Variants in KIF11 observed in about 807,000 individuals in gnomAD.
The protein encoded by KIF11 is kinesin-like protein KIF11.
KIF11 carries 9 observed loss-of-function variants against 121.0 expected under a neutral mutation model. The ratio of observed to expected loss-of-function variants is 0.07; its 90% CI spans 0.04 to 0.13. The LOEUF (loss-of-function observed/expected upper bound fraction) is 0.13. Ranked by LOEUF, KIF11 falls within the 10% of genes least tolerant of loss-of-function variation. The probability of loss-of-function intolerance (pLI) is 1.00; values close to 1 mark genes in which losing one functional copy is unlikely to be tolerated. For missense variants in KIF11, 846 were observed against 1,217.5 expected (o/e 0.69, Z 4.54); for synonymous variants, 408 against 421.0 (o/e 0.97, Z 0.38).
At chr10:92,602,825 CGT>C (rs3980475) in intron 1 of KIF11, among the ~76,000 whole-genome samples, 2,998 of 122,282 alleles carry the variant, frequency 0.025, 35 homozygotes, top group East Asian at 0.041. Context: ...CACACACACA[CGT>C]GTGTGTGTGT....
intron 8 of KIF11, among the ~76,000 whole-genome samples, chr10:92,614,838 C>G (rs937096763): frequency 6.6e-6 from 1 of 152,160 alleles, no homozygotes; most frequent in African/African-American, 2.4e-5. Flanking sequence ...GGCCGCAGTA[C>G]AGTAGCATGA....
At chr10:92,602,987 T>C (rs940791760) in intron 1 of KIF11, among the ~76,000 whole-genome samples, 1 of 151,812 alleles carries the variant, frequency 6.6e-6, no homozygotes, top group African/African-American at 2.4e-5. Context: ...CCAGAGTAGC[T>C]GGGATTACAG....
At chr10:92,605,874 A>G (rs948370679) in intron 1 of KIF11, among the ~76,000 whole-genome samples, 2 of 152,112 alleles carry the variant, frequency 1.3e-5, no homozygotes, top group African/African-American at 2.4e-5. Flanking sequence ...GGCTGGGCAC[A>G]GTGTCTCACT....
intron 17 of KIF11, among the ~76,000 whole-genome samples, chr10:92,641,043 C>A (rs1212568339): frequency 2.0e-5 from 3 of 152,198 alleles, no homozygotes; most frequent in Non-Finnish European, 4.4e-5. Flanking sequence ...TCACTGCTCC[C>A]AGCCTGTATT....
intron 12 of KIF11, among the ~76,000 whole-genome samples, chr10:92,631,463 G>A (rs1589601880): frequency 2.0e-5 from 3 of 148,718 alleles, no homozygotes; most frequent in African/African-American, 2.5e-5. Context: ...CCGGGTTCAC[G>A]CCATTCTCCT....
chr10:92,623,496 A>G (rs1160194469), intron 10 of KIF11, among the ~76,000 whole-genome samples: 1 of 152,256 alleles, frequency 6.6e-6, no homozygotes, highest in East Asian at 1.9e-4. Flanking sequence ...TAGACCTAAT[A>G]ATAACCAGAA....
At chr10:92,621,124 A>G (rs1182679113) in intron 9 of KIF11, among the ~76,000 whole-genome samples, 1 of 152,208 alleles carries the variant, frequency 6.6e-6, no homozygotes, top group East Asian at 1.9e-4. Flanking sequence ...AATTACTCCT[A>G]CCAACCTGGG....
chr10:92,639,941 T>C, intron 17 of KIF11, 41 bp downstream of exon 17: 2 of 1,040,134 alleles, frequency 1.9e-6, no homozygotes, highest in South Asian at 1.4e-5. Context: ...TCTGTAAGTC[T>C]GAAATTATTT....
chr10:92,615,229 C>A (rs1051168823), intron 8 of KIF11, among the ~76,000 whole-genome samples: 1 of 151,934 alleles, frequency 6.6e-6, no homozygotes, highest in Admixed American at 6.5e-5. Flanking sequence ...CATGGTGAAA[C>A]CCCATCTCTA....
At position 92,648,454 on chromosome 10, in the gene KIF11, G is replaced by T. The variant is rs111279281; in HGVS notation, c.2770+20G>T. 1.4e-6 allele frequency: 2 copies of T among 1,480,486 alleles called. No homozygotes were observed. Among genetic ancestry groups the T allele is most frequent in the East Asian group, 2.3e-5 (1 of 42,696 alleles). 91.7% of individuals were successfully genotyped at this position (1,480,486 alleles called of 1,614,324 possible). ...CAACAGGTACTTTAAAAGAGAAATA[G>T]AATTGTTAAATTTTTTGAAGTCGAA... On this transcript the variant is annotated intron_variant, in intron 19 of 21. Transcript: ENST00000260731.
At chr10:92,616,088 C>T (rs938047468) in intron 8 of KIF11, among the ~76,000 whole-genome samples, 3 of 152,126 alleles carry the variant, frequency 2.0e-5, no homozygotes, top group Non-Finnish European at 4.4e-5. Context: ...TCACCCGCCC[C>T]GGCCTTCCAA....
chr10:92,644,809 A>T (rs1844902258), intron 17 of KIF11, among the ~76,000 whole-genome samples: 1 of 152,218 alleles, frequency 6.6e-6, no homozygotes, highest in Non-Finnish European at 1.5e-5. Context: ...TTATCAATGA[A>T]TTTTAAATGT....
intron 14 of KIF11, among the ~76,000 whole-genome samples, chr10:92,636,544 A>G (rs1844799132): frequency 6.6e-6 from 1 of 151,976 alleles, no homozygotes; most frequent in African/African-American, 2.4e-5. Flanking sequence ...TGAACCCAGG[A>G]GGCGGAGGTT....
chr10:92,612,643 A>G (rs1844510042), intron 6 of KIF11, among the ~76,000 whole-genome samples: 1 of 152,170 alleles, frequency 6.6e-6, no homozygotes, highest in Non-Finnish European at 1.5e-5. Context: ...TGGAAGAGTA[A>G]ACTAATGCCT....
Position 92,634,028 on chromosome 10 carries a change from T to C in KIF11, c.1875+233T>C, listed in dbSNP as rs28615450. 0.15 allele frequency among the ~76,000 whole-genome samples: 22,694 copies of C among 152,040 alleles called. 3,609 individuals are homozygous for C. The highest frequency in any genetic ancestry group is 0.4 in the African/African-American group (16,502 of 41,422). Reference sequence around the variant, plus strand: ...TTTGAGATGGAGTCTCGCTCTGTCGTCCAGGAGTGCAGTGGCGTGATCTCG... The same window carrying C: ...TTTGAGATGGAGTCTCGCTCTGTCGCCCAGGAGTGCAGTGGCGTGATCTCG... On this transcript the variant is annotated intron_variant, in intron 14 of 21. Coordinates refer to ENST00000260731, the MANE Select transcript of KIF11 (RefSeq NM_004523.4).
rs536647923 is a variant in KIF11, at chr10:92,626,791, ACT to A, written c.1218-2014_1218-2013del. Among the ~76,000 whole-genome samples, 703 of 151,984 alleles carry A rather than the reference ACT, an allele frequency of 4.6e-3. 10 individuals are homozygous for A. The highest frequency in any genetic ancestry group is 0.016 in the African/African-American group (660 of 41,466). On this transcript the variant is annotated intron_variant, in intron 10 of 21. Coordinates refer to ENST00000260731, the MANE Select transcript of KIF11 (RefSeq NM_004523.4). ...ATTTTTATTTTTGAGACAGAGTCTC[ACT>A]CTGTCACCCAGGCTGGAGTGCAGTG...
At chr10:92,628,732 C>T (rs1449625404) in intron 10 of KIF11, 76 bp from the exon 11 acceptor site, 21 of 730,284 alleles carry the variant, frequency 2.9e-5, no homozygotes, top group Non-Finnish European at 4.1e-5. Flanking sequence ...GTAGCTGTCA[C>T]AATTGTGTTA....
chr10:92,618,935 A>T (rs1844589884), intron 9 of KIF11, among the ~76,000 whole-genome samples: 1 of 152,136 alleles, frequency 6.6e-6, no homozygotes. Context: ...CCTGGTACCC[A>T]GTAACCTGTC....
intron 10 of KIF11, among the ~76,000 whole-genome samples, chr10:92,625,078 G>C (rs1042902709): frequency 6.6e-6 from 1 of 151,858 alleles, no homozygotes; most frequent in Non-Finnish European, 1.5e-5. Flanking sequence ...CGGTATTTCT[G>C]TTTTAAGTTC....
Sources: allele counts gnomAD v4.1 joint callset (sites outside exome capture counted in the v4.1 genomes callset), GRCh38; gene constraint gnomAD v4.1.1; transcripts MANE v1.5; gene names NCBI Gene and HGNC (gene_info 2026-07-23, HGNC 2026-07-21).